BNC2: variants seen among roughly 807,000 people sequenced by gnomAD.
BNC2 encodes the protein zinc finger protein basonuclin-2.
In BNC2, 20 loss-of-function variants were observed where a neutral mutation model predicts 76.3. The observed-to-expected ratio is 0.26, with a 90% CI of 0.18 to 0.38. The LOEUF is 0.38. Among genes scored for constraint, BNC2 ranks in the 10% least tolerant of loss-of-function variants. BNC2 has a pLI of 1.00. For synonymous variants in BNC2, 582 were observed against 514.8 expected (o/e 1.13, Z -1.77); for missense variants, 1,382 against 1,399.8 (o/e 0.99, Z 0.20).
At chr9:16,745,099 T>C (rs1824962230) in intron 1 of BNC2, among the ~76,000 whole-genome samples, 1 of 152,220 alleles carries the variant, frequency 6.6e-6, no homozygotes, top group South Asian at 2.1e-4. Flanking sequence ...AAAGTTCATC[T>C]CTGAAGTGGA....
rs544694081 is a variant in BNC2 at position 16,575,198 on chromosome 9, G to A, written c.433+7785C>T. The A allele has an allele frequency of 6.9e-5, 64 of 926,416 alleles. No homozygotes were observed. In the South Asian group the frequency reaches 2.5e-3, roughly 37 times the overall value. 57.4% of individuals were successfully genotyped at this position (926,416 alleles called of 1,614,324 possible). A position where few individuals can be genotyped will look rare whatever the true frequency, so the allele number is the denominator to read the frequency against. ...TCTACCTACAGTAGGTGACAGAGCCGCGACGTGAATGTAAACAGTCTCATT... is the reference window on the plus strand; with the variant it reads ...TCTACCTACAGTAGGTGACAGAGCCACGACGTGAATGTAAACAGTCTCATT... On this transcript the variant is annotated intron_variant, in intron 4 of 6. Coordinates refer to ENST00000380672, the MANE Select transcript of BNC2 (RefSeq NM_017637.6).
chr9:16,666,969 G>A (rs1822312532), intron 3 of BNC2, among the ~76,000 whole-genome samples: 1 of 151,908 alleles, frequency 6.6e-6, no homozygotes, highest in Non-Finnish European at 1.5e-5. Context: ...GTACCAGAGT[G>A]ATATTACACT....
intron 3 of BNC2, among the ~76,000 whole-genome samples, chr9:16,640,895 A>T (rs1385410198): frequency 6.6e-6 from 1 of 152,154 alleles, no homozygotes; most frequent in African/African-American, 2.4e-5. Flanking sequence ...TAACACTAGG[A>T]TCCTGTTACT....
At chr9:16,707,011 G>C (rs568618317) in intron 3 of BNC2, among the ~76,000 whole-genome samples, 1 of 152,314 alleles carries the variant, frequency 6.6e-6, no homozygotes, top group South Asian at 2.1e-4. Context: ...GACCATCCTG[G>C]CTAACACGGT....
At chr9:16,753,148 T>TA (rs58370037) in intron 1 of BNC2, among the ~76,000 whole-genome samples, 130,743 of 151,890 alleles carry the variant, frequency 0.86, 56,652 homozygotes, top group Non-Finnish European at 0.91. Context: ...GTTTGAATAG[T>TA]AACAATGGCT....
chr9:16,789,169 G>T (rs867239517), intron 1 of BNC2, among the ~76,000 whole-genome samples: 2 of 152,130 alleles, frequency 1.3e-5, no homozygotes, highest in African/African-American at 4.8e-5. Flanking sequence ...GATATTTTGA[G>T]AAACACAAAA....
At chr9:16,431,054 GAGA>G (rs1253779267) in intron 6 of BNC2, among the ~76,000 whole-genome samples, 6 of 152,280 alleles carry the variant, frequency 3.9e-5, no homozygotes, top group Admixed American at 2.6e-4. Context: ...CCACTACTCT[GAGA>G]AGAAGAAAGG....
At chr9:16,785,134 C>G (rs1826251010) in intron 1 of BNC2, among the ~76,000 whole-genome samples, 1 of 152,128 alleles carries the variant, frequency 6.6e-6, no homozygotes, top group Non-Finnish European at 1.5e-5. Context: ...AACTTTAAAC[C>G]CACCTGTGCT....
intron 3 of BNC2, among the ~76,000 whole-genome samples, chr9:16,586,538 T>C (rs921213996): frequency 2.0e-5 from 3 of 152,216 alleles, no homozygotes; most frequent in African/African-American, 7.2e-5. Context: ...CTGCACTAAC[T>C]CTCCTTCATT....
chr9:16,773,108 T>C (rs906375024), intron 1 of BNC2, among the ~76,000 whole-genome samples: 1 of 152,130 alleles, frequency 6.6e-6, no homozygotes, highest in African/African-American at 2.4e-5. Context: ...ACCAATTCTG[T>C]CCTGATTGCT....
chr9:16,415,705 G>A lies in BNC2; in HGVS notation c.*3284C>T, dbSNP rs990106276. 5 of 152,066 alleles carry A rather than the reference G, an allele frequency of 3.3e-5. No homozygotes were observed. In the East Asian group the frequency reaches 5.8e-4, roughly 18 times the overall value. The allele number at this position is 152,066 out of a possible 1,614,324, so 9.4% of individuals were successfully genotyped here. On this transcript the variant is annotated 3_prime_UTR_variant, in exon 7 of 7. Coordinates refer to ENST00000380672, the MANE Select transcript of BNC2 (RefSeq NM_017637.6). ...GACACTCAGGCACACACTCAAGAACGAGCAATACTTTGGAAACAGAAGAAT... is the reference window on the plus strand; with the variant it reads ...GACACTCAGGCACACACTCAAGAACAAGCAATACTTTGGAAACAGAAGAAT...
intron 5 of BNC2, among the ~76,000 whole-genome samples, chr9:16,546,953 G>C (rs1818502901): frequency 2.0e-5 from 3 of 152,208 alleles, no homozygotes; most frequent in South Asian, 4.1e-4. Context: ...GTATAAGCCT[G>C]GGTGCTGGTG....
intron 1 of BNC2, among the ~76,000 whole-genome samples, chr9:16,788,052 G>C (rs1177428109): frequency 6.6e-6 from 1 of 152,076 alleles, no homozygotes; most frequent in South Asian, 2.1e-4. Context: ...CAAACATACA[G>C]TTCCAGAAAA....
chr9:16,661,288 T>C (rs1358157966), intron 3 of BNC2, among the ~76,000 whole-genome samples: 1 of 152,212 alleles, frequency 6.6e-6, no homozygotes, highest in Admixed American at 6.5e-5. Context: ...CTAGTCCTTA[T>C]TAACTGTTTG....
At chr9:16,589,013 A>G (rs1388558630) in intron 3 of BNC2, among the ~76,000 whole-genome samples, 1 of 152,230 alleles carries the variant, frequency 6.6e-6, no homozygotes. Flanking sequence ...GGCAAATAGA[A>G]GCATAAAGCA....
At chr9:16,483,847 G>A (rs562718537) in intron 5 of BNC2, among the ~76,000 whole-genome samples, 1 of 152,120 alleles carries the variant, frequency 6.6e-6, no homozygotes, top group Non-Finnish European at 1.5e-5. Context: ...GGACTTTCAG[G>A]CTTCTAAGTA....
chr9:16,850,212 T>A (rs531037444), intron 1 of BNC2, among the ~76,000 whole-genome samples: 29 of 152,284 alleles, frequency 1.9e-4, no homozygotes, highest in Non-Finnish European at 3.5e-4. Flanking sequence ...ATAGAAAAAA[T>A]TCACTCTACA....
intron 1 of BNC2, among the ~76,000 whole-genome samples, chr9:16,771,208 T>C (rs1212291429): frequency 2.0e-5 from 3 of 151,768 alleles, no homozygotes; most frequent in Non-Finnish European, 4.4e-5. Flanking sequence ...TAATATGGAG[T>C]GGAATGTGCT....
chr9:16,798,736 A>G (rs563079595), intron 1 of BNC2, among the ~76,000 whole-genome samples: 1 of 152,262 alleles, frequency 6.6e-6, no homozygotes, highest in South Asian at 2.1e-4. Flanking sequence ...TTATTCCCCT[A>G]TGCTCCCCAC....
Sources: gnomAD v4.1 joint callset for allele counts (sites outside exome capture counted in the v4.1 genomes callset) on GRCh38, gnomAD v4.1.1 for gene constraint, MANE v1.5 for transcripts, NCBI Gene and HGNC (gene_info 2026-07-23, HGNC 2026-07-21) for gene names.